MACF1: variants seen among roughly 807,000 people sequenced by gnomAD.
The protein encoded by MACF1 is microtubule-actin cross-linking factor 1.
Under a neutral mutation model 854.8 loss-of-function variants are expected in MACF1, and 193 were observed. That is an observed-to-expected ratio of 0.23 (90% CI 0.20 to 0.25). The LOEUF (loss-of-function observed/expected upper bound fraction) is 0.25. Among genes scored for constraint, MACF1 ranks in the 10% least tolerant of loss-of-function variants. The pLI, the probability that MACF1 is intolerant of heterozygous loss-of-function variation, is 1.00. For missense variants in MACF1, 7,722 were observed against 8,929.1 expected, an observed-to-expected ratio of 0.86 and a Z score of 5.45; for synonymous variants, 3,185 against 3,226.7, an observed-to-expected ratio of 0.99 and a Z score of 0.44.
chr1:39,207,753 T>C (rs920213245), intron 1 of MACF1, among the ~76,000 whole-genome samples: 10 of 152,166 alleles, frequency 6.6e-5, no homozygotes, highest in African/African-American at 1.9e-4. Flanking sequence ...TTCTTAAAAA[T>C]TGATTCTTGT....
chr1:39,181,713 G>A (rs1644107077), intron 2 of MACF1, among the ~76,000 whole-genome samples: 2 of 152,162 alleles, frequency 1.3e-5, no homozygotes, highest in Admixed American at 6.5e-5. Context: ...TAGACATATA[G>A]ATCAATGGAA....
At chr1:39,349,804 T>A (rs974468098) in intron 42 of MACF1, among the ~76,000 whole-genome samples, 177 bp downstream of exon 42, 1 of 152,164 alleles carries the variant, frequency 6.6e-6, no homozygotes, top group African/African-American at 2.4e-5. Flanking sequence ...AATTTTTTAA[T>A]TTTTTTGTAG....
intron 97 of MACF1, among the ~76,000 whole-genome samples, chr1:39,473,182 A>G (rs1644809940): frequency 1.3e-5 from 2 of 152,180 alleles, no homozygotes; most frequent in African/African-American, 4.8e-5. Flanking sequence ...TCCTGCATGC[A>G]CCCAGCTAGG....
At chr1:39,323,506 G>A (rs1286175677) in intron 33 of MACF1, among the ~76,000 whole-genome samples, 2 of 151,260 alleles carry the variant, frequency 1.3e-5, no homozygotes, top group East Asian at 3.8e-4. Flanking sequence ...AGAATACTAT[G>A]TATAATTATG....
chr1:39,102,441 G>A (rs57925211), intron 2 of MACF1, among the ~76,000 whole-genome samples: 1 of 150,014 alleles, frequency 6.7e-6, no homozygotes, highest in Non-Finnish European at 1.5e-5. Flanking sequence ...AGGCGGGGGG[G>A]GGGTCAAGGA....
intron 60 of MACF1, 47 bp downstream of exon 60, chr1:39,422,947 A>G: frequency 6.5e-7 from 1 of 1,543,340 alleles, no homozygotes; most frequent in Non-Finnish European, 8.9e-7. Context: ...CGTAGGGAGT[A>G]GTAGACAACA....
At chr1:39,258,679 A>G (rs748013114) in intron 6 of MACF1, among the ~76,000 whole-genome samples, 1 of 152,236 alleles carries the variant, frequency 6.6e-6, no homozygotes, top group Non-Finnish European at 1.5e-5. Context: ...CTTTTAGGTC[A>G]GCCAAACAAA....
At chr1:39,138,072 CAA>C (rs1213606775) in intron 2 of MACF1, among the ~76,000 whole-genome samples, 1,241 of 50,182 alleles carry the variant, frequency 0.025, 13 homozygotes, top group African/African-American at 0.084. Flanking sequence ...GACTCCATCT[CAA>C]AAAAAAAAAA....
chr1:39,368,430 A>G (rs1569743417), intron 50 of MACF1, 116 bp downstream of exon 50: 2 of 1,072,154 alleles, frequency 1.9e-6, no homozygotes, highest in African/African-American at 1.6e-5. Context: ...AAATTCTACT[A>G]CTGAGTTGTA....
At chr1:39,317,435 T>G (rs373759511) in intron 29 of MACF1, 28 bp downstream of exon 29, 6 of 1,604,830 alleles carry the variant, frequency 3.7e-6, no homozygotes, top group Non-Finnish European at 3.4e-6. Flanking sequence ...CTTTTTCTCC[T>G]ATTAGAGTTC....
At chr1:39,444,516 G>T in intron 79 of MACF1, 146 bp from the exon 80 acceptor site, 3 of 551,848 alleles carry the variant, frequency 5.4e-6, no homozygotes, top group East Asian at 2.9e-5. Context: ...TTCCCTTATG[G>T]CTCAGCACTT....
intron 58 of MACF1, chr1:39,412,468 G>C: frequency 1.9e-6 from 3 of 1,614,052 alleles, no homozygotes; most frequent in Non-Finnish European, 2.5e-6. Context: ...GGAGGATCAA[G>C]CTCCAGCACA....
chr1:39,366,830 G>A (rs1648756132), intron 49 of MACF1, among the ~76,000 whole-genome samples: 2 of 151,100 alleles, frequency 1.3e-5, no homozygotes, highest in African/African-American at 4.9e-5. Flanking sequence ...TTTTAGTAGA[G>A]ACAGGGTTTC....
Position 39,486,169 on chromosome 1 carries a change from C to A in MACF1, c.*375C>A, listed in dbSNP as rs1425461768. The A allele has an allele frequency of 6.3e-6, 1 of 158,010 alleles. No homozygotes were observed. Among genetic ancestry groups the A allele is most frequent in the Non-Finnish European group, 1.4e-5 (1 of 72,184 alleles). 9.8% of individuals were successfully genotyped at this position (158,010 alleles called of 1,614,324 possible). On this transcript the variant is annotated 3_prime_UTR_variant, in exon 101 of 101. Transcript: ENST00000564288. Reference sequence around the variant, plus strand: ...TTCCTAAATGCATCTTCTTTATAAACTTGACTTGCTATCTCAGCAAGATAA... The same window carrying A: ...TTCCTAAATGCATCTTCTTTATAAAATTGACTTGCTATCTCAGCAAGATAA...
At chr1:39,316,331 A>G in intron 27 of MACF1, 60 bp from the exon 28 acceptor site, 2 of 1,454,766 alleles carry the variant, frequency 1.4e-6, no homozygotes, top group Non-Finnish European at 1.9e-6. Flanking sequence ...CACTCCAGGT[A>G]TATAACCCTG....
At chr1:39,269,506 A>G in intron 6 of MACF1, 1 of 1,289,764 alleles carries the variant, frequency 7.8e-7, no homozygotes. Context: ...CCCCCCCAGG[A>G]TTCCAGACTG....
At chr1:39,477,946 T>C (rs1244342284) in intron 97 of MACF1, among the ~76,000 whole-genome samples, 2 of 151,618 alleles carry the variant, frequency 1.3e-5, no homozygotes, top group Admixed American at 1.3e-4. Context: ...ATTTCAAAGT[T>C]TTCCTCTTAT....
At chr1:39,234,422 A>AC (rs563246208) in intron 2 of MACF1, among the ~76,000 whole-genome samples, 20 of 143,430 alleles carry the variant, frequency 1.4e-4, no homozygotes, top group East Asian at 4.2e-4. Flanking sequence ...CAGGGGGCTG[A>AC]CCCCCCCACC....
chr1:39,299,756 T>A (rs1460357528), intron 21 of MACF1, among the ~76,000 whole-genome samples: 1 of 152,190 alleles, frequency 6.6e-6, no homozygotes, highest in Non-Finnish European at 1.5e-5. Flanking sequence ...TTTTAAAAAT[T>A]TAAATAAGTA....
Sources: gnomAD v4.1 joint callset for allele counts (sites outside exome capture counted in the v4.1 genomes callset) on GRCh38, gnomAD v4.1.1 for gene constraint, MANE v1.5 for transcripts, NCBI Gene and HGNC (gene_info 2026-07-23, HGNC 2026-07-21) for gene names.